Variants in UTY observed in about 807,000 individuals in gnomAD.
UTY encodes the protein histone demethylase UTY.
A neutral mutation model predicts 32.5 loss-of-function variants in UTY; 12 were observed. The observed-to-expected ratio is 0.37, with a 90% CI of 0.24 to 0.60. The LOEUF is 0.60. UTY is among the 20% of genes least tolerant of loss of function. The probability of loss-of-function intolerance (pLI) is 0.69; values close to 1 mark genes in which losing one functional copy is unlikely to be tolerated. For missense variants in UTY, 303 were observed against 299.2 expected, an observed-to-expected ratio of 1.01 and a Z score of -0.09; for synonymous variants, 131 against 103.4, an observed-to-expected ratio of 1.27 and a Z score of -1.62.
intron 17 of UTY, 61 bp from the exon 18 acceptor site, chrY:13,336,396 T>C: frequency 3.4e-6 from 1 of 291,997 alleles, no homozygotes; most frequent in South Asian, 3.8e-5. Context: ...CAGAAAACTC[T>C]TGAGGATTAA....
At chrY:13,371,021 G>A in intron 8 of UTY, among the ~76,000 whole-genome samples, 5 of 32,632 alleles carry the variant, frequency 1.5e-4, no homozygotes, top group Non-Finnish European at 3.0e-4. Context: ...TTGAGTCACT[G>A]CACTTCAGCC....
chrY:13,440,191 TC>T (rs2075046344), intron 4 of UTY, among the ~76,000 whole-genome samples: 1 of 33,593 alleles, frequency 3.0e-5, no homozygotes, highest in Non-Finnish European at 7.4e-5. Context: ...AGCTGACTAC[TC>T]TACACATGAC....
At chrY:13,247,414 G>A (rs2053962049), downstream of UTY, among the ~76,000 whole-genome samples, 1 of 33,586 alleles carries the variant, frequency 3.0e-5, no homozygotes, top group Non-Finnish European at 7.3e-5. Flanking sequence ...AAAGGGCTAG[G>A]TGCAGTGGCT....
chrY:13,413,631 T>C (rs766248417), intron 5 of UTY, among the ~76,000 whole-genome samples: 2 of 34,749 alleles, frequency 5.8e-5, no homozygotes, highest in African/African-American at 2.2e-4. Flanking sequence ...CATCTCCAAA[T>C]ATTTTCAGCG....
At chrY:13,471,427 GC>G (rs2078463868) in intron 2 of UTY, among the ~76,000 whole-genome samples, 1 of 33,493 alleles carries the variant, frequency 3.0e-5, no homozygotes, top group Non-Finnish European at 7.3e-5. Flanking sequence ...CTTGTACTAA[GC>G]CCCTACTGTG....
chrY:13,448,413 A>G lies in UTY; in HGVS notation c.375+604T>C, dbSNP rs768331627. 3.3e-4 allele frequency among the ~76,000 whole-genome samples: 11 copies of G among 33,195 alleles called. No individual in the cohort carries two copies. In the East Asian group the frequency reaches 8.7e-3, roughly 26 times the overall value. 89.1% of individuals were successfully genotyped at this position (33,195 alleles called of 37,273 possible). Reference sequence around the variant, plus strand: ...GAGTTGTCTTTTCAGTTTTGATAGCATTCTTTGAAGCACCATAGATTTAAG... The same window carrying G: ...GAGTTGTCTTTTCAGTTTTGATAGCGTTCTTTGAAGCACCATAGATTTAAG... On this transcript the variant is annotated intron_variant, in intron 4 of 29. Transcript: ENST00000545955.
chrY:13,398,611 A>G (rs2068559758), intron 6 of UTY, among the ~76,000 whole-genome samples: 1 of 33,425 alleles, frequency 3.0e-5, no homozygotes, highest in Non-Finnish European at 7.4e-5. Flanking sequence ...AATGAACCAC[A>G]ATCAAGATAC....
chrY:13,368,372 GT>G (rs2064484955), intron 9 of UTY, among the ~76,000 whole-genome samples: 1 of 27,859 alleles, frequency 3.6e-5, no homozygotes, highest in Admixed American at 3.3e-4. Context: ...GCCCGGCCTT[GT>G]TTTTTTTCTT....
chrY:13,446,607 TAGATAGATAGATAGACAGAC>T (rs2075853177), intron 4 of UTY, among the ~76,000 whole-genome samples: 2 of 20,594 alleles, frequency 9.7e-5, no homozygotes, highest in Non-Finnish European at 2.0e-4. Flanking sequence ...GATAGATAGA[TAGATAGATAGATAGACAGAC>T]AGACAGACAG....
chrY:13,452,402 A>G, intron 3 of UTY, among the ~76,000 whole-genome samples: 1 of 32,556 alleles, frequency 3.1e-5, no homozygotes, highest in African/African-American at 1.2e-4. Flanking sequence ...CCAGTCAAAA[A>G]TCATTCACCA....
intron 21 of UTY, among the ~76,000 whole-genome samples, chrY:13,314,282 C>T: frequency 3.0e-5 from 1 of 32,871 alleles, no homozygotes; most frequent in Non-Finnish European, 7.5e-5. Context: ...GAAGTGGTGG[C>T]GGGCACCTGT....
At chrY:13,261,603 GC>G (rs2055274197) in intron 27 of UTY, among the ~76,000 whole-genome samples, 1 of 32,449 alleles carries the variant, frequency 3.1e-5, no homozygotes, top group Non-Finnish European at 7.6e-5. Context: ...TTTGTTACTT[GC>G]CAGGTTAAAC....
chrY:13,305,367 A>G, intron 24 of UTY, 32 bp downstream of exon 24: 1 of 387,108 alleles, frequency 2.6e-6, no homozygotes, highest in Non-Finnish European at 3.6e-6. Context: ...AATTTTTTCA[A>G]TCATGTAAGA....
At chrY:13,316,859 G>A in intron 21 of UTY, among the ~76,000 whole-genome samples, 1 of 32,978 alleles carries the variant, frequency 3.0e-5, no homozygotes, top group Admixed American at 2.8e-4. Context: ...AAAAGAAAAA[G>A]AGGAGAAACT....
At chrY:13,367,273 A>T in intron 9 of UTY, among the ~76,000 whole-genome samples, 1 of 33,709 alleles carries the variant, frequency 3.0e-5, no homozygotes, top group Non-Finnish European at 7.3e-5. Flanking sequence ...TTATTTATTT[A>T]TAATAATAAC....
At chrY:13,358,888 G>A in intron 13 of UTY, among the ~76,000 whole-genome samples, 200 bp downstream of exon 13, 1 of 32,576 alleles carries the variant, frequency 3.1e-5, no homozygotes, top group Admixed American at 2.8e-4. Flanking sequence ...ACTGGCACCC[G>A]TATTCCTTCC....
chrY:13,276,545 T>A, intron 27 of UTY, among the ~76,000 whole-genome samples: 1 of 32,581 alleles, frequency 3.1e-5, no homozygotes, highest in Non-Finnish European at 7.6e-5. Context: ...TCGTCTCTAC[T>A]AAAAATACAA....
chrY:13,345,232 C>T (rs2061804797), intron 17 of UTY, among the ~76,000 whole-genome samples: 1 of 32,833 alleles, frequency 3.0e-5, no homozygotes, highest in Non-Finnish European at 7.5e-5. Flanking sequence ...TCAGGACCCG[C>T]GGCCAGTCAA....
chrY:13,446,587 T>C, intron 4 of UTY, among the ~76,000 whole-genome samples: 2 of 23,007 alleles, frequency 8.7e-5, no homozygotes, highest in Non-Finnish European at 2.0e-4. Flanking sequence ...GATAGATAGA[T>C]AGATAGATAG....
Sources: allele counts gnomAD v4.1 joint callset (sites outside exome capture counted in the v4.1 genomes callset), GRCh38; gene constraint gnomAD v4.1.1; transcripts MANE v1.5; gene names NCBI Gene and HGNC (gene_info 2026-07-23, HGNC 2026-07-21).